Variants in DSC3 observed in about 807,000 individuals in gnomAD.
DSC3 encodes the protein desmocollin 3, also known as desmocollin-3.
In DSC3, 97 loss-of-function variants were observed where a neutral mutation model predicts 89.5. The ratio of observed to expected loss-of-function variants is 1.08; its 90% confidence interval spans 0.92 to 1.28. The LOEUF (loss-of-function observed/expected upper bound fraction) is 1.28. Ranked by LOEUF, DSC3 falls within the 50% of genes most tolerant of loss-of-function variation. The pLI, the probability that DSC3 is intolerant of heterozygous loss-of-function variation, is 0.00. For missense variants in DSC3, 1,199 were observed against 1,085.3 expected (o/e 1.10, Z -1.47); for synonymous variants, 436 against 384.1 (o/e 1.14, Z -1.58).
At chr18:31,022,735 C>T (rs1985466347) in intron 6 of DSC3, among the ~76,000 whole-genome samples, 1 of 152,156 alleles carries the variant, frequency 6.6e-6, no homozygotes, top group African/African-American at 2.4e-5. Flanking sequence ...CAGTTTAACA[C>T]ATTTGATCAT....
intron 9 of DSC3, among the ~76,000 whole-genome samples, chr18:31,011,745 C>G (rs1041074086): frequency 6.6e-6 from 1 of 151,940 alleles, no homozygotes; most frequent in East Asian, 1.9e-4. Context: ...GTAATCCTAG[C>G]ACTTTGGGAG....
chr18:31,028,961 C>T (rs1985689875), intron 4 of DSC3, among the ~76,000 whole-genome samples: 1 of 152,140 alleles, frequency 6.6e-6, no homozygotes, highest in African/African-American at 2.4e-5. Context: ...CTGTACTTTC[C>T]TCTTCTTCTG....
rs1984170809 is a variant in DSC3, at chr18:30,989,813, A to C, written c.*4362T>G. ...AAAATAAACTGTCTAAGCTGGTATT[A>C]ACCTTTTTCTTAAATTAAAAATGTT... On this transcript the variant is annotated 3_prime_UTR_variant, in exon 16 of 16. Coordinates refer to ENST00000360428, the MANE Select transcript of DSC3 (RefSeq NM_001941.5). Among the ~76,000 whole-genome samples the C allele has an allele frequency of 6.6e-6, 1 of 152,224 alleles. No individual in the cohort carries two copies. Among genetic ancestry groups the C allele is most frequent in the African/African-American group, 2.4e-5 (1 of 41,464 alleles).
chr18:31,001,761 A>G, intron 13 of DSC3, 22 bp from the exon 14 acceptor site: 1 of 1,558,378 alleles, frequency 6.4e-7, no homozygotes, highest in Non-Finnish European at 8.7e-7. Context: ...AATAAAAATA[A>G]AATAACTTAC....
chr18:31,037,252 T>TA (rs1374200617), intron 1 of DSC3, among the ~76,000 whole-genome samples: 3 of 152,330 alleles, frequency 2.0e-5, no homozygotes, highest in Non-Finnish European at 4.4e-5. Flanking sequence ...AGAAATCATT[T>TA]AAAAATATTA....
At chr18:31,040,664 T>C (rs114101336) in intron 1 of DSC3, among the ~76,000 whole-genome samples, 1,797 of 152,302 alleles carry the variant, frequency 0.012, 34 homozygotes, top group African/African-American at 0.042. Flanking sequence ...TCTCAGATTC[T>C]TGTTAAAGAC....
chr18:31,010,333 C>A (rs1228104437), intron 9 of DSC3, among the ~76,000 whole-genome samples: 1 of 152,148 alleles, frequency 6.6e-6, no homozygotes, highest in Non-Finnish European at 1.5e-5. Context: ...GGTGTGATCA[C>A]ACAGAGAGTA....
At chr18:31,032,953 A>G (rs570401869) in intron 1 of DSC3, among the ~76,000 whole-genome samples, 1 of 152,166 alleles carries the variant, frequency 6.6e-6, no homozygotes, top group Non-Finnish European at 1.5e-5. Flanking sequence ...CCACTAAAAA[A>G]CTGTCTAAAT....
chr18:30,998,627 C>T (rs970070482), intron 14 of DSC3, among the ~76,000 whole-genome samples: 13 of 152,012 alleles, frequency 8.6e-5, no homozygotes, highest in African/African-American at 3.1e-4. Flanking sequence ...GATAGAACCA[C>T]AAGAAAAATC....
chr18:31,004,933 C>T (rs961505776), intron 12 of DSC3, among the ~76,000 whole-genome samples: 1 of 152,138 alleles, frequency 6.6e-6, no homozygotes, highest in Non-Finnish European at 1.5e-5. Context: ...CTTTTATCAA[C>T]TCTGATAGTC....
rs760347803 is a variant in DSC3 at position 31,008,307 on chromosome 18, C to G, written c.1482G>C (p.Lys494Asn). 3 of 1,613,950 alleles carry G rather than the reference C, an allele frequency of 1.9e-6. No individual in the cohort carries two copies. Among genetic ancestry groups the G allele is most frequent in the Non-Finnish European group, 2.5e-6 (3 of 1,179,988 alleles). ...LAVGSKINGY[K>N]AYDPENRNGN... ...CATTTCTATTTTCGGGGTCATATGC[C>G]TTATAGCCGTTGATCTTTGACCCCA... Residue 494 changes from lysine to asparagine, a missense_variant, in exon 10 of 16, where the codon AAG becomes AAC. Physicochemically the swap from Lys to Asn is moderately conservative, Grantham distance 94 (BLOSUM62 0). Transcript: ENST00000360428.
rs1047521443 is a variant in DSC3 at position 31,011,214 on chromosome 18, T to C, written c.1264-2689A>G. On this transcript the variant is annotated intron_variant, in intron 9 of 15. Transcript: ENST00000360428. Reference sequence around the variant, plus strand: ...TTAACTCTTCTCTTCTGTGAAATTGTTGTAAGAATGACATTTAACACTACA... The same window carrying C: ...TTAACTCTTCTCTTCTGTGAAATTGCTGTAAGAATGACATTTAACACTACA... 6.6e-5 allele frequency among the ~76,000 whole-genome samples: 10 copies of C among 152,210 alleles called. No homozygotes were observed. In the South Asian group the frequency reaches 2.1e-3, roughly 32 times the overall value.
intron 14 of DSC3, among the ~76,000 whole-genome samples, chr18:31,001,076 A>C (rs1207980585): frequency 1.2e-5 from 1 of 85,860 alleles, no homozygotes; most frequent in Non-Finnish European, 2.4e-5. Flanking sequence ...GTTTATATAT[A>C]CTTTGTGTGT....
Position 31,008,154 on chromosome 18 carries a change from T to C in DSC3, c.1525A>G (p.Lys509Glu), listed in dbSNP as rs1302334827. The change falls in exon 11 of 16, where the codon AAA becomes GAA. Residue 509 changes from lysine (K) to glutamate (E), a missense_variant. By Grantham distance (56) the Lys-to-Glu change is moderately conservative. Transcript: ENST00000360428. ...ENRNGNGLRY[K>E]KLHDPKGWIT... is the part of the protein sequence containing the mutation. The stretch of plus-strand genomic sequence containing the variant: ...CAACCTTTAGGATCATGCAATTTTT[T>C]GTACCTGTTAATAAAAAAAAAATAG... 1.9e-6 allele frequency: 3 copies of C among 1,610,494 alleles called. No homozygotes were observed. Among genetic ancestry groups the C allele is most frequent in the East Asian group, 4.5e-5 (2 of 44,832 alleles).
rs1984228617 is a variant in DSC3, at chr18:30,991,175, T to C, written c.*3000A>G. On this transcript the variant is annotated 3_prime_UTR_variant, in exon 16 of 16. Transcript: ENST00000360428. Reference sequence around the variant, plus strand: ...GTTTCTTTAAAAGCAAAGTAACTTCTTTTAATAGCAATACTAAAACTCTGT... The same window carrying C: ...GTTTCTTTAAAAGCAAAGTAACTTCCTTTAATAGCAATACTAAAACTCTGT... The C allele has an allele frequency of 6.5e-6, 1 of 152,766 alleles. No individual in the cohort carries two copies. The highest frequency in any genetic ancestry group is 2.1e-4 in the South Asian group (1 of 4,830). The allele number at this position is 152,766 out of a possible 1,614,324, so 9.5% of individuals were successfully genotyped here.
At position 30,990,812 on chromosome 18, in the gene DSC3, C is replaced by CG. The variant is rs1984210465; in HGVS notation, c.*3362_*3363insC. 6.6e-6 allele frequency: 1 copy of CG among 152,092 alleles called. No individual in the cohort carries two copies. Among genetic ancestry groups the CG allele is most frequent in the Non-Finnish European group, 1.5e-5 (1 of 68,026 alleles). 9.4% of individuals were successfully genotyped at this position (152,092 alleles called of 1,614,324 possible). A position where few individuals can be genotyped will look rare whatever the true frequency, so the allele number is the denominator to read the frequency against. On this transcript the variant is annotated 3_prime_UTR_variant, in exon 16 of 16. Transcript: ENST00000360428. ...ACCACCTTCTAATACTTTTAATACCCAATCAAAATTTATTATACATATGTA... is the reference window on the plus strand; with the variant it reads ...ACCACCTTCTAATACTTTTAATACCCGAATCAAAATTTATTATACATATGTA...
Position 30,993,895 on chromosome 18 carries a change from T to C in DSC3, c.*280A>G. ...GTTGGACTAATATTTATCCAGCATATTTATTACTAAAATATCCGTAAAAAA... is the reference window on the plus strand; with the variant it reads ...GTTGGACTAATATTTATCCAGCATACTTATTACTAAAATATCCGTAAAAAA... On this transcript the variant is annotated 3_prime_UTR_variant, in exon 16 of 16. Transcript: ENST00000360428. The C allele has an allele frequency of 3.1e-6, 1 of 321,214 alleles. No homozygotes were observed. The highest frequency in any genetic ancestry group is 5.9e-6 in the Non-Finnish European group (1 of 169,364). The allele number at this position is 321,214 out of a possible 1,614,324, so 19.9% of individuals were successfully genotyped here.
intron 3 of DSC3, among the ~76,000 whole-genome samples, chr18:31,030,266 T>C (rs2640847): frequency 0.23 from 34,352 of 152,130 alleles, 4,282 homozygotes; most frequent in Admixed American, 0.36. Flanking sequence ...ATTAGACTTT[T>C]TAGTGATGTC....
intron 13 of DSC3, among the ~76,000 whole-genome samples, 169 bp downstream of exon 13, chr18:31,003,973 G>T (rs1236652604): frequency 6.6e-6 from 1 of 152,192 alleles, no homozygotes; most frequent in Non-Finnish European, 1.5e-5. Flanking sequence ...GAAGGATCAT[G>T]TTCCCGTCAC....
Sources: allele counts gnomAD v4.1 joint callset (sites outside exome capture counted in the v4.1 genomes callset), GRCh38; gene constraint gnomAD v4.1.1; transcripts MANE v1.5; gene names NCBI Gene and HGNC (gene_info 2026-07-23, HGNC 2026-07-21).